SEPTIN10: variants seen among roughly 807,000 people sequenced by gnomAD.
The protein encoded by SEPTIN10 is septin 10.
SEPTIN10 carries 66 observed loss-of-function variants against 54.8 expected under a neutral mutation model. The ratio of observed to expected loss-of-function variants is 1.21; its 90% confidence interval spans 0.99 to 1.48. The LOEUF (loss-of-function observed/expected upper bound fraction) is 1.48. Ranked by LOEUF, SEPTIN10 falls within the 40% of genes most tolerant of loss-of-function variation. SEPTIN10 has a pLI of 0.00. For synonymous variants in SEPTIN10, 161 were observed against 181.0 expected (o/e 0.89, Z 0.89); for missense variants, 620 against 545.6 (o/e 1.14, Z -1.36).
chr2:109,544,139 T>C lies in SEPTIN10; in HGVS notation c.*170A>G, dbSNP rs1250630195. ...TTGTAGTATCATTCACTCTGGCTTATGTATTGACCTTGTACTTGAAAGTAC... is the reference window on the plus strand; with the variant it reads ...TTGTAGTATCATTCACTCTGGCTTACGTATTGACCTTGTACTTGAAAGTAC... On this transcript the variant is annotated 3_prime_UTR_variant, in exon 11 of 11. Transcript: ENST00000397712. 6.5e-6 allele frequency: 10 copies of C among 1,540,984 alleles called. No individual in the cohort carries two copies. The highest frequency in any genetic ancestry group is 5.9e-5 in the South Asian group (5 of 84,930).
intron 9 of SEPTIN10, 104 bp from the exon 10 acceptor site, chr2:109,546,341 A>ATGGGG: frequency 1.7e-6 from 1 of 601,318 alleles, no homozygotes; most frequent in South Asian, 4.3e-5. Context: ...AACACAGAAT[A>ATGGGG]ACCTACACAG....
intron 1 of SEPTIN10, among the ~76,000 whole-genome samples, chr2:109,599,734 TAA>T (rs1256184031): frequency 4.6e-5 from 7 of 152,208 alleles, no homozygotes; most frequent in Admixed American, 4.6e-4. Context: ...GCAGTTCATA[TAA>T]AAGAGTTAAG....
intron 1 of SEPTIN10, among the ~76,000 whole-genome samples, chr2:109,609,307 GAT>G (rs1698709180): frequency 6.6e-6 from 1 of 151,502 alleles, no homozygotes; most frequent in Admixed American, 6.6e-5. Context: ...TGTCCTCAAA[GAT>G]ATATGAGTAT....
chr2:109,575,459 T>G (rs1689479381), intron 4 of SEPTIN10, among the ~76,000 whole-genome samples: 2 of 152,232 alleles, frequency 1.3e-5, no homozygotes, highest in Non-Finnish European at 2.9e-5. Flanking sequence ...AAAGGCCAAT[T>G]ACATCCTCTA....
chr2:109,613,040 T>C, intron 1 of SEPTIN10: 1 of 548,828 alleles, frequency 1.8e-6, no homozygotes, highest in South Asian at 1.5e-5. Flanking sequence ...CTATCAAAAA[T>C]TAAAAGGGAG....
intron 1 of SEPTIN10, among the ~76,000 whole-genome samples, chr2:109,593,808 G>A (rs1264691332): frequency 6.6e-6 from 1 of 152,186 alleles, no homozygotes; most frequent in Non-Finnish European, 1.5e-5. Context: ...TGCTACAATT[G>A]TGGTGTGGTG....
intron 9 of SEPTIN10, among the ~76,000 whole-genome samples, chr2:109,548,189 A>C (rs1400526441): frequency 4.6e-5 from 7 of 152,202 alleles, no homozygotes; most frequent in Admixed American, 2.6e-4. Context: ...AAAAAAAAAA[A>C]AACTAGGGTC....
chr2:109,584,016 G>C (rs1001664589), intron 4 of SEPTIN10, among the ~76,000 whole-genome samples: 4 of 152,142 alleles, frequency 2.6e-5, no homozygotes, highest in African/African-American at 9.7e-5. Context: ...CCCGGTAAAG[G>C]CTGAAAAACT....
chr2:109,613,751 G>A (rs1699831811), intron 1 of SEPTIN10, 47 bp downstream of exon 1: 1 of 1,176,902 alleles, frequency 8.5e-7, no homozygotes. Flanking sequence ...AAGTCCCGCG[G>A]GGGCCGGGGA....
intron 3 of SEPTIN10, 89 bp from the exon 4 acceptor site, chr2:109,585,410 C>T (rs1692270590): frequency 9.1e-7 from 1 of 1,100,594 alleles, no homozygotes; most frequent in Non-Finnish European, 1.3e-6. Context: ...TCAAAGATCC[C>T]AAATATTTCA....
At chr2:109,595,339 T>C (rs1467036162) in intron 1 of SEPTIN10, among the ~76,000 whole-genome samples, 1 of 152,196 alleles carries the variant, frequency 6.6e-6, no homozygotes. Flanking sequence ...ATGTAAATGA[T>C]ACAAAGCACA....
chr2:109,610,234 G>T (rs755665434), intron 1 of SEPTIN10, among the ~76,000 whole-genome samples: 1 of 151,972 alleles, frequency 6.6e-6, no homozygotes, highest in African/African-American at 2.4e-5. Flanking sequence ...GACTACAGGC[G>T]CATGCCACCA....
intron 4 of SEPTIN10, among the ~76,000 whole-genome samples, chr2:109,575,332 C>T (rs1270540836): frequency 6.6e-6 from 1 of 152,206 alleles, no homozygotes; most frequent in African/African-American, 2.4e-5. Flanking sequence ...AAGTCCATGA[C>T]TCTTTGCCTC....
chr2:109,568,615 T>G (rs905024301), intron 5 of SEPTIN10, among the ~76,000 whole-genome samples: 1 of 152,206 alleles, frequency 6.6e-6, no homozygotes, highest in Non-Finnish European at 1.5e-5. Context: ...TCTCAAAATC[T>G]TGCAATTTCA....
intron 10 of SEPTIN10, 42 bp from the exon 11 acceptor site, chr2:109,544,366 A>C: frequency 6.4e-7 from 1 of 1,556,106 alleles, no homozygotes; most frequent in South Asian, 1.2e-5. Flanking sequence ...AATTTAAAAA[A>C]AATTCAAGTA....
intron 1 of SEPTIN10, among the ~76,000 whole-genome samples, chr2:109,607,091 A>G (rs184559162): frequency 2.6e-5 from 4 of 152,342 alleles, no homozygotes; most frequent in South Asian, 4.1e-4. Flanking sequence ...ATCCATGGCC[A>G]TCGCTTCGTT....
chr2:109,576,269 A>T (rs1463759081), intron 4 of SEPTIN10, among the ~76,000 whole-genome samples: 2 of 150,738 alleles, frequency 1.3e-5, no homozygotes, highest in Non-Finnish European at 3.0e-5. Context: ...AAATGAATTA[A>T]ATATATATAT....
intron 9 of SEPTIN10, among the ~76,000 whole-genome samples, chr2:109,548,941 GAGA>G (rs1682113357): frequency 1.3e-5 from 2 of 152,146 alleles, no homozygotes; most frequent in Non-Finnish European, 1.5e-5. Context: ...CACCTGATAG[GAGA>G]AGTATTCCAA....
rs544319256 is a variant in SEPTIN10, at chr2:109,599,350, T to C, written c.31-6231A>G. On this transcript the variant is annotated intron_variant, in intron 1 of 10. Transcript: ENST00000397712. ...GTGTGTGCCTGTAATCCCAGTTACT[T>C]GGGAGGCTGAGGCAGAAGAACTGCT... Among the ~76,000 whole-genome samples, 7 of 149,518 alleles carry C rather than the reference T, an allele frequency of 4.7e-5. No homozygotes were observed. The South Asian group carries it at 1.3e-3, about 27-fold the overall frequency.
Sources: allele counts gnomAD v4.1 joint callset (sites outside exome capture counted in the v4.1 genomes callset), GRCh38; gene constraint gnomAD v4.1.1; transcripts MANE v1.5; gene names NCBI Gene and HGNC (gene_info 2026-07-23, HGNC 2026-07-21).